The following PPP1R9B variants were observed in gnomAD, a reference collection of about 807,000 sequenced individuals.
PPP1R9B encodes neurabin-2.
Under a neutral mutation model 75.8 loss-of-function variants are expected in PPP1R9B, and 17 were observed. The observed-to-expected ratio is 0.22, with a 90% CI of 0.15 to 0.34. The LOEUF (loss-of-function observed/expected upper bound fraction) is 0.34. Ranked by LOEUF, PPP1R9B falls within the 10% of genes least tolerant of loss-of-function variation. The pLI is 1.00. For synonymous variants in PPP1R9B, 509 were observed against 535.4 expected (o/e 0.95, Z 0.68); for missense variants, 875 against 1,196.0 (o/e 0.73, Z 3.96).
Position 50,135,069 on chromosome 17 carries a change from C to T in PPP1R9B, c.*262G>A, listed in dbSNP as rs1912184179. On this transcript the variant is annotated 3_prime_UTR_variant, in exon 10 of 10. Transcript: ENST00000612501. Reference sequence around the variant, plus strand: ...CGTCGACCACCAGGCCAGCCCTCGGCAGCCCTCGGCCTCTGTGCCTCAGCC... The same window carrying T: ...CGTCGACCACCAGGCCAGCCCTCGGTAGCCCTCGGCCTCTGTGCCTCAGCC... 3.7e-6 allele frequency: 2 copies of T among 543,436 alleles called. No individual in the cohort carries two copies. The highest frequency in any genetic ancestry group is 6.6e-6 in the Non-Finnish European group (2 of 301,474). 33.7% of individuals were successfully genotyped at this position (543,436 alleles called of 1,614,324 possible).
chr17:50,150,616 C>A lies in PPP1R9B; in HGVS notation c.-103G>T. On this transcript the variant is annotated 5_prime_UTR_variant, in exon 1 of 10. Coordinates refer to ENST00000612501, the MANE Select transcript of PPP1R9B (RefSeq NM_032595.5). The surrounding 1 kb of genome is among the most constrained non-coding windows in gnomAD (Gnocchi z 8.7). Reference sequence around the variant, plus strand: ...CGCCCCCTCCCCCCGATAAAAGAAACCCCGAAGGCCTTTTTTAGGGTCCCC... The same window carrying A: ...CGCCCCCTCCCCCCGATAAAAGAAAACCCGAAGGCCTTTTTTAGGGTCCCC... The A allele has an allele frequency of 1.7e-6, 2 of 1,174,638 alleles. No individual in the cohort carries two copies. The highest frequency in any genetic ancestry group is 2.1e-6 in the Non-Finnish European group (2 of 935,104). 72.8% of individuals were successfully genotyped at this position (1,174,638 alleles called of 1,614,324 possible). A position where few individuals can be genotyped will look rare whatever the true frequency, so the allele number is the denominator to read the frequency against.
In PPP1R9B at chr17:50,139,213, C is replaced by G. The variant is rs748838412; in HGVS notation, c.2073+50G>C. 1 of 1,609,052 alleles carries G rather than the reference C, an allele frequency of 6.2e-7. No individual in the cohort carries two copies. Among genetic ancestry groups the G allele is most frequent in the East Asian group, 2.2e-5 (1 of 44,862 alleles). ...GTGTGAGGGTAGGGGGACCCTGCTC[C>G]TCAACACACACATGCACGCACGCAA... On this transcript the variant is annotated intron_variant, in intron 7 of 9. Coordinates refer to ENST00000612501, the MANE Select transcript of PPP1R9B (RefSeq NM_032595.5). This position sits in a 1 kb window ranked among gnomAD's most constrained non-coding sequence, Gnocchi z 5.0.
chr17:50,136,779 G>T (rs774968037), intron 7 of PPP1R9B, among the ~76,000 whole-genome samples: 2 of 151,750 alleles, frequency 1.3e-5, no homozygotes, highest in East Asian at 3.9e-4. Flanking sequence ...CTGGGGCACC[G>T]GCCCATCTCC....
chr17:50,142,846 CG>C lies in PPP1R9B; in HGVS notation c.1625+751del, dbSNP rs1405191920. Among the ~76,000 whole-genome samples, 7 of 152,282 alleles carry C rather than the reference CG, an allele frequency of 4.6e-5. No homozygotes were observed. The highest frequency in any genetic ancestry group is 1.4e-4 in the African/African-American group (6 of 41,544). Reference sequence around the variant, plus strand: ...CAATACAGGCACACACACTCACATGCGCAAAGACAGCCTGTCTCCAGAGCCA... The same window carrying C: ...CAATACAGGCACACACACTCACATGCCAAAGACAGCCTGTCTCCAGAGCCA... On this transcript the variant is annotated intron_variant, in intron 3 of 9. Coordinates refer to ENST00000612501, the MANE Select transcript of PPP1R9B (RefSeq NM_032595.5). This position sits in a 1 kb window ranked among gnomAD's most constrained non-coding sequence, Gnocchi z 4.1.
In PPP1R9B at chr17:50,136,214, C is replaced by T. The variant is rs552967294; in HGVS notation, c.2074-17G>A. 55 of 1,595,498 alleles carry T rather than the reference C, an allele frequency of 3.4e-5. No homozygotes were observed. The highest frequency in any genetic ancestry group is 2.2e-4 in the East Asian group (10 of 44,770). On this transcript the variant is annotated splice_polypyrimidine_tract_variant and intron_variant, in intron 7 of 9. Transcript: ENST00000612501. The stretch of plus-strand genomic sequence containing the variant: ...GCTCTGCAGCTGAGAGAGAAAGGCA[C>T]GGCCCTGGGTTGGTGGGGGCCAGCA...
In PPP1R9B at chr17:50,134,204, G is replaced by A. The variant is rs1003301235; in HGVS notation, c.*1127C>T. ...TCCCTTGGTCCAAGCCCCAATTTGG[G>A]GTTAAAGTGGGGAAACAGAGTCGAT... is the stretch of plus-strand genomic sequence containing the variant. On this transcript the variant is annotated 3_prime_UTR_variant, in exon 10 of 10. Coordinates refer to ENST00000612501, the MANE Select transcript of PPP1R9B (RefSeq NM_032595.5). 2 of 152,650 alleles carry A rather than the reference G, an allele frequency of 1.3e-5. No homozygotes were observed. The highest frequency in any genetic ancestry group is 4.8e-5 in the African/African-American group (2 of 41,450). The allele number at this position is 152,650 out of a possible 1,614,324, so 9.5% of individuals were successfully genotyped here.
intron 7 of PPP1R9B, 92 bp from the exon 8 acceptor site, chr17:50,136,289 G>A (rs1365240646): frequency 1.9e-6 from 2 of 1,068,102 alleles, no homozygotes; most frequent in Non-Finnish European, 1.3e-6. Flanking sequence ...GTCGCCAGGG[G>A]ATTCCTACCG....
chr17:50,143,630 C>G lies in PPP1R9B; in HGVS notation c.1593G>C (p.Val531=). The change falls in exon 3 of 10, where the codon GTG becomes GTC. Residue 531 remains valine, a synonymous_variant. Transcript: ENST00000612501. ...LEKLGIFVKT[V]TEGGAAHRDG... is the part of the protein sequence containing the mutation. The stretch of plus-strand genomic sequence containing the variant: ...CCCGATGGGCCGCACCACCCTCCGT[C>G]ACGGTCTTGACGAAGATACCCAGCT... The G allele has an allele frequency of 6.2e-7, 1 of 1,614,046 alleles. No homozygotes were observed. The highest frequency in any genetic ancestry group is 8.5e-7 in the Non-Finnish European group (1 of 1,179,910).
chr17:50,145,215 C>T lies in PPP1R9B; in HGVS notation c.1402G>A (p.Asp468Asn), dbSNP rs920945780. 6 of 1,613,802 alleles carry T rather than the reference C, an allele frequency of 3.7e-6. No homozygotes were observed. Among genetic ancestry groups the T allele is most frequent in the Non-Finnish European group, 5.1e-6 (6 of 1,179,910 alleles). ...GGATCCACATCCTCGTTGCGACGATCGTAATCCTCGTTGGAGTAAGTGCTG... is the reference window on the plus strand; with the variant it reads ...GGATCCACATCCTCGTTGCGACGATTGTAATCCTCGTTGGAGTAAGTGCTG... ...VFSTYSNEDY[D>N]RRNEDVDPMA... is the part of the protein sequence containing the mutation. The change falls in exon 2 of 10, where the codon GAT becomes AAT. Residue 468 changes from aspartate (D) to asparagine (N), a missense_variant. Coordinates refer to ENST00000612501, the MANE Select transcript of PPP1R9B (RefSeq NM_032595.5).
Position 50,149,050 on chromosome 17 carries a change from G to C in PPP1R9B, c.1371+93C>G. 2 of 956,310 alleles carry C rather than the reference G, an allele frequency of 2.1e-6. No individual in the cohort carries two copies. Among genetic ancestry groups the C allele is most frequent in the Admixed American group, 3.8e-5 (1 of 26,448 alleles). The allele number at this position is 956,310 out of a possible 1,614,324, so 59.2% of individuals were successfully genotyped here. On this transcript the variant is annotated intron_variant, in intron 1 of 9. Transcript: ENST00000612501. This position sits in a 1 kb window ranked among gnomAD's most constrained non-coding sequence, Gnocchi z 7.2. ...GGGCTGGGTGGCAGGGGCTGACTCA[G>C]CCTGCCAAACCCGGCTGGCTGGCTG...
Position 50,150,673 on chromosome 17 carries a change from C to T in PPP1R9B, c.-160G>A, listed in dbSNP as rs1055013062. The T allele has an allele frequency of 1.4e-4, 92 of 643,006 alleles. No individual in the cohort carries two copies. The African/African-American group carries it at 1.7e-3, about 12-fold the overall frequency. 39.8% of individuals were successfully genotyped at this position (643,006 alleles called of 1,614,324 possible). A position where few individuals can be genotyped will look rare whatever the true frequency, so the allele number is the denominator to read the frequency against. The stretch of plus-strand genomic sequence containing the variant: ...CCAAGCTGCCAAAAACAGTTAATCC[C>T]GCTTTAAAAAAAAAAATGAAAAAAA... On this transcript the variant is annotated 5_prime_UTR_variant, in exon 1 of 10. Coordinates refer to ENST00000612501, the MANE Select transcript of PPP1R9B (RefSeq NM_032595.5). This position sits in a 1 kb window ranked among gnomAD's most constrained non-coding sequence, Gnocchi z 8.7.
At position 50,140,472 on chromosome 17, in the gene PPP1R9B, A is replaced by C; in HGVS notation, c.1731-244T>G. On this transcript the variant is annotated intron_variant, in intron 4 of 9. Coordinates refer to ENST00000612501, the MANE Select transcript of PPP1R9B (RefSeq NM_032595.5). ...CCAGTATTGCGGGAGGGAGAATGTC[A>C]GCCCACCTCTAGGCTGTGCTGCAGG... The C allele has an allele frequency of 8.8e-6, 5 of 571,070 alleles. No homozygotes were observed. The South Asian group carries it at 1.0e-4, about 12-fold the overall frequency. The allele number at this position is 571,070 out of a possible 1,614,324, so 35.4% of individuals were successfully genotyped here. A position where few individuals can be genotyped will look rare whatever the true frequency, so the allele number is the denominator to read the frequency against.
Position 50,140,090 on chromosome 17 carries a change from T to C in PPP1R9B, c.1866+3A>G. 1 of 1,613,234 alleles carries C rather than the reference T, an allele frequency of 6.2e-7. No individual in the cohort carries two copies. Among genetic ancestry groups the C allele is most frequent in the Non-Finnish European group, 8.5e-7 (1 of 1,179,612 alleles). On this transcript the variant is annotated splice_donor_region_variant and intron_variant, in intron 5 of 9. Coordinates refer to ENST00000612501, the MANE Select transcript of PPP1R9B (RefSeq NM_032595.5). ...CGCGGCCAGCCAGGCAGGGACTCCC[T>C]ACCTCCTCGTCATCCTCCCCATACT...
At chr17:50,141,202 A>T in intron 4 of PPP1R9B, 67 bp downstream of exon 4, 2 of 1,024,184 alleles carry the variant, frequency 2.0e-6, no homozygotes, top group Non-Finnish European at 2.9e-6. Flanking sequence ...CTGTTAAGGC[A>T]GGTGAACGGA....
At chr17:50,140,322 T>G in intron 4 of PPP1R9B, 94 bp from the exon 5 acceptor site, 1 of 1,463,386 alleles carries the variant, frequency 6.8e-7, no homozygotes, top group Non-Finnish European at 9.2e-7. Context: ...ACTCAGGCCC[T>G]CCCAGGGGAG....
At chr17:50,143,750 C>T in intron 2 of PPP1R9B, 32 bp from the exon 3 acceptor site, 1 of 1,613,100 alleles carries the variant, frequency 6.2e-7, no homozygotes, top group Non-Finnish European at 8.5e-7. Context: ...GATGGCAGGG[C>T]TTGTAGGGGA....
In PPP1R9B at chr17:50,149,526, C is replaced by G. The variant is rs1193934579; in HGVS notation, c.988G>C (p.Glu330Gln). 6.3e-7 allele frequency: 1 copy of G among 1,593,172 alleles called. No homozygotes were observed. The highest frequency in any genetic ancestry group is 2.3e-5 in the East Asian group (1 of 43,474). ...QAEVTVHAAL[E>Q]NGSTVATAAS... ...GCAGTTGCCACGGTGCTGCCATTCT[C>G]CAGGGCCGCGTGGACCGTAACCTCG... The change falls in exon 1 of 10, where the codon GAG (glutamate) becomes CAG (glutamine). Residue 330 changes from glutamate (E) to glutamine (Q), a missense_variant. By Grantham distance (29) the Glu-to-Gln change is conservative. This residue lies in a region of PPP1R9B where 449 missense variants were observed against 475.0 expected (regional missense o/e 0.95). Coordinates refer to ENST00000612501, the MANE Select transcript of PPP1R9B (RefSeq NM_032595.5). This position sits in a 1 kb window ranked among gnomAD's most constrained non-coding sequence, Gnocchi z 7.2.
intron 3 of PPP1R9B, 79 bp downstream of exon 3, chr17:50,143,519 C>A: frequency 6.4e-7 from 1 of 1,562,186 alleles, no homozygotes; most frequent in Non-Finnish European, 8.7e-7. Flanking sequence ...GCCCCACCCC[C>A]TGCTCAGTGG....
In PPP1R9B at chr17:50,139,140, G is replaced by C. The variant is rs534052263; in HGVS notation, c.2073+123C>G. ...GTATCTATCATATCATCTTGCTTTA[G>C]AGCAGCTTGTTCTGTGGGTACCTGT... is the stretch of plus-strand genomic sequence containing the variant. On this transcript the variant is annotated intron_variant, in intron 7 of 9. Transcript: ENST00000612501. This position sits in a 1 kb window ranked among gnomAD's most constrained non-coding sequence, Gnocchi z 5.0. 2.9e-5 allele frequency: 31 copies of C among 1,069,874 alleles called. No individual in the cohort carries two copies. Among genetic ancestry groups the C allele is most frequent in the South Asian group, 2.6e-4 (20 of 77,876 alleles). 66.3% of individuals were successfully genotyped at this position (1,069,874 alleles called of 1,614,324 possible).
Sources: allele counts gnomAD v4.1 joint callset (sites outside exome capture counted in the v4.1 genomes callset), GRCh38; gene constraint gnomAD v4.1.1; regional missense constraint gnomAD v4.1.1; non-coding constraint Gnocchi (gnomAD v3.1); transcripts MANE v1.5; gene names NCBI Gene and HGNC (gene_info 2026-07-23, HGNC 2026-07-21).